The following PCDH15 variants were observed in gnomAD, a reference collection of about 807,000 sequenced individuals.
PCDH15 encodes the protein protocadherin related 15.
Under a neutral mutation model 178.5 loss-of-function variants are expected in PCDH15, and 129 were observed. The observed-to-expected ratio is 0.72, with a 90% CI of 0.63 to 0.84. The LOEUF is 0.84. PCDH15 is among the 40% of genes least tolerant of loss of function. The pLI is 0.00. For synonymous variants in PCDH15, 800 were observed against 732.0 expected (o/e 1.09, Z -1.50); for missense variants, 2,230 against 2,099.9 (o/e 1.06, Z -1.21).
chr10:54,018,370 T>C (rs567048852), intron 20 of PCDH15, among the ~76,000 whole-genome samples: 1 of 151,596 alleles, frequency 6.6e-6, no homozygotes, highest in South Asian at 2.1e-4. Flanking sequence ...TCCCACAGTC[T>C]TCAGGTAACC....
At chr10:55,390,700 A>G (rs1837772061) in intron 2 of PCDH15, among the ~76,000 whole-genome samples, 1 of 152,230 alleles carries the variant, frequency 6.6e-6, no homozygotes, top group African/African-American at 2.4e-5. Flanking sequence ...TCCTTAATTT[A>G]TGGGCTAAAG....
At chr10:55,200,139 A>G (rs2132157582) in intron 1 of PCDH15, among the ~76,000 whole-genome samples, 1 of 152,180 alleles carries the variant, frequency 6.6e-6, no homozygotes, top group East Asian at 1.9e-4. Context: ...TGCACTGTAC[A>G]CTTTGAAAAG....
intron 14 of PCDH15, among the ~76,000 whole-genome samples, chr10:54,138,599 T>C (rs1220513632): frequency 6.6e-6 from 1 of 152,246 alleles, no homozygotes; most frequent in South Asian, 2.1e-4. Context: ...ACTTTTGTGC[T>C]ACTGCTCTAA....
intron 2 of PCDH15, among the ~76,000 whole-genome samples, chr10:54,647,861 G>C (rs999371622): frequency 6.6e-6 from 1 of 152,034 alleles, no homozygotes; most frequent in Non-Finnish European, 1.5e-5. Context: ...ACTAGGACCT[G>C]AGTTGGGATA....
At chr10:54,025,802 T>C (rs2446598) in intron 18 of PCDH15, among the ~76,000 whole-genome samples, 116,638 of 151,970 alleles carry the variant, frequency 0.77, 45,024 homozygotes, top group Middle Eastern at 0.86. Flanking sequence ...TGGCCATTTC[T>C]TCCATTTTTA....
At chr10:54,510,596 T>C (rs1302705541) in intron 3 of PCDH15, among the ~76,000 whole-genome samples, 1 of 152,144 alleles carries the variant, frequency 6.6e-6, no homozygotes, top group Non-Finnish European at 1.5e-5. Context: ...GAACTACTAA[T>C]GGCCAAGGCT....
At chr10:55,165,576 A>G (rs879375815) in intron 2 of PCDH15, among the ~76,000 whole-genome samples, 7 of 152,168 alleles carry the variant, frequency 4.6e-5, no homozygotes, top group Admixed American at 3.9e-4. Context: ...GTATTTTAAC[A>G]TATTCAGTAG....
chr10:54,494,120 A>G (rs533563619), intron 3 of PCDH15, among the ~76,000 whole-genome samples: 1 of 151,808 alleles, frequency 6.6e-6, no homozygotes, highest in South Asian at 2.1e-4. Flanking sequence ...TAGCATTAGG[A>G]GATATACCTA....
intron 18 of PCDH15, among the ~76,000 whole-genome samples, chr10:54,040,794 A>G (rs927347071): frequency 6.6e-6 from 1 of 152,062 alleles, no homozygotes; most frequent in African/African-American, 2.4e-5. Context: ...TGAATTCTCT[A>G]TAAAAATGTC....
intron 2 of PCDH15, among the ~76,000 whole-genome samples, chr10:55,111,873 A>T (rs924732754): frequency 2.0e-5 from 3 of 152,176 alleles, no homozygotes; most frequent in African/African-American, 4.8e-5. Flanking sequence ...AATAAAAAAT[A>T]AAAAAGTTCT....
chr10:54,364,145 G>C (rs957440967), intron 5 of PCDH15, among the ~76,000 whole-genome samples: 1 of 151,388 alleles, frequency 6.6e-6, no homozygotes, highest in Non-Finnish European at 1.5e-5. Flanking sequence ...CCTGGAGGCA[G>C]AGGTTGTGCT....
chr10:55,001,814 G>C, intron 2 of PCDH15, among the ~76,000 whole-genome samples: 1 of 152,200 alleles, frequency 6.6e-6, no homozygotes, highest in East Asian at 1.9e-4. Context: ...AGCCACAGAG[G>C]TTTCTGGCTG....
At chr10:55,043,315 G>T (rs1250258881) in intron 2 of PCDH15, among the ~76,000 whole-genome samples, 1 of 151,898 alleles carries the variant, frequency 6.6e-6, no homozygotes, top group East Asian at 1.9e-4. Context: ...TTATAGGTGA[G>T]ATGCAGGATT....
At chr10:54,556,779 C>A (rs568272879) in intron 2 of PCDH15, among the ~76,000 whole-genome samples, 2 of 151,448 alleles carry the variant, frequency 1.3e-5, no homozygotes, top group African/African-American at 2.4e-5. Context: ...AATTACTGTA[C>A]CTCTAAATTT....
intron 1 of PCDH15, among the ~76,000 whole-genome samples, chr10:55,243,164 A>T (rs1841597869): frequency 6.6e-6 from 1 of 152,210 alleles, no homozygotes; most frequent in African/African-American, 2.4e-5. Flanking sequence ...ATAGTCTATC[A>T]GTTAGCAGCT....
chr10:54,815,968 G>A (rs977269846), intron 3 of PCDH15, among the ~76,000 whole-genome samples: 1 of 151,958 alleles, frequency 6.6e-6, no homozygotes, highest in Non-Finnish European at 1.5e-5. Context: ...TATTTTATCA[G>A]TATGTCTTCT....
intron 3 of PCDH15, among the ~76,000 whole-genome samples, chr10:54,842,845 G>A (rs1393457830): frequency 6.6e-6 from 1 of 152,042 alleles, no homozygotes; most frequent in South Asian, 2.1e-4. Flanking sequence ...TTAATAGCAA[G>A]CAGCTTTCAT....
Position 53,822,929 on chromosome 10 carries a change from C to G in PCDH15, c.4368-2699G>C, listed in dbSNP as rs563147370. On this transcript the variant is annotated intron_variant, in intron 32 of 37. Transcript: ENST00000644397. ...CAGCTTTCTGCCTGGTGCCTTGCCA[C>G]TGCTGCAGATCTATGATCTCTGGTC... The G allele has an allele frequency of 6.2e-7, 1 of 1,614,122 alleles. No homozygotes were observed. The highest frequency in any genetic ancestry group is 8.5e-7 in the Non-Finnish European group (1 of 1,180,002).
intron 2 of PCDH15, among the ~76,000 whole-genome samples, chr10:55,150,258 A>T (rs1838671656): frequency 6.6e-6 from 1 of 152,052 alleles, no homozygotes; most frequent in Non-Finnish European, 1.5e-5. Context: ...GAAAAACAAA[A>T]CATGTTTTAA....
Sources: gnomAD v4.1 joint callset for allele counts (sites outside exome capture counted in the v4.1 genomes callset) on GRCh38, gnomAD v4.1.1 for gene constraint, MANE v1.5 for transcripts, NCBI Gene and HGNC (gene_info 2026-07-23, HGNC 2026-07-21) for gene names.